TRIP12: variants seen among roughly 807,000 people sequenced by gnomAD.
The protein encoded by TRIP12 is E3 ubiquitin-protein ligase TRIP12.
A neutral mutation model predicts 244.2 loss-of-function variants in TRIP12; 25 were observed. The ratio of observed to expected loss-of-function variants is 0.10; its 90% CI spans 0.07 to 0.14. The LOEUF is 0.14. TRIP12 is among the 10% of genes least tolerant of loss of function. The probability of loss-of-function intolerance (pLI) is 1.00; values close to 1 mark genes in which losing one functional copy is unlikely to be tolerated. For missense variants in TRIP12, 1,677 were observed against 2,486.4 expected, an observed-to-expected ratio of 0.67 and a Z score of 6.92; for synonymous variants, 905 against 873.1, an observed-to-expected ratio of 1.04 and a Z score of -0.64.
Position 229,808,356 on chromosome 2 carries a change from C to T in TRIP12, c.2235G>A (p.Thr745=), listed in dbSNP as rs755942358. 7 of 1,611,948 alleles carry T rather than the reference C, an allele frequency of 4.3e-6. No homozygotes were observed. Among genetic ancestry groups the T allele is most frequent in the East Asian group, 2.2e-5 (1 of 44,858 alleles). ...AGGCACCACACAGGAGAAAGTGAAG[C>T]GTTTCTGCAATGTCTGTAAAAACCA... ...VQLMKQNIAE[T]LHFLLCGASN... The change falls in exon 16 of 42, where the codon ACG becomes ACA. Residue 745 remains threonine (T), a synonymous_variant. Coordinates refer to ENST00000675903, the MANE Select transcript of TRIP12 (RefSeq NM_001348323.3).
intron 2 of TRIP12, among the ~76,000 whole-genome samples, chr2:229,879,023 CGGGTGAATCGCTTG>C (rs1560074759): frequency 6.6e-6 from 1 of 151,984 alleles, no homozygotes; most frequent in African/African-American, 2.4e-5. Flanking sequence ...GAGGCCGAGG[CGGGTGAATCGCTTG>C]AGGTCAGGAG....
intron 6 of TRIP12, chr2:229,831,236 A>G: frequency 4.5e-6 from 3 of 673,038 alleles, no homozygotes; most frequent in Non-Finnish European, 5.4e-6. Context: ...AAGGCAAAAT[A>G]GACATTTGGG....
intron 1 of TRIP12, among the ~76,000 whole-genome samples, chr2:229,918,536 G>A (rs1280022330): frequency 2.0e-5 from 3 of 152,112 alleles, no homozygotes; most frequent in Non-Finnish European, 4.4e-5. Flanking sequence ...ACCAGAACAG[G>A]TACTTTGTCA....
At chr2:229,825,151 C>G (rs1451259356) in intron 8 of TRIP12, among the ~76,000 whole-genome samples, 1 of 152,104 alleles carries the variant, frequency 6.6e-6, no homozygotes, top group Non-Finnish European at 1.5e-5. Context: ...AACTTGAAAT[C>G]TCGTACTGTG....
intron 1 of TRIP12, among the ~76,000 whole-genome samples, chr2:229,912,414 T>C (rs1434013847): frequency 1.3e-5 from 2 of 152,210 alleles, no homozygotes; most frequent in Non-Finnish European, 2.9e-5. Flanking sequence ...TTAAATCTAA[T>C]TCCGTGATCT....
chr2:229,882,867 T>C (rs865817483), intron 1 of TRIP12, among the ~76,000 whole-genome samples: 1 of 152,174 alleles, frequency 6.6e-6, no homozygotes, highest in African/African-American at 2.4e-5. Flanking sequence ...CCAGCACCAT[T>C]ATCAGCCAAC....
chr2:229,866,740 T>C (rs2061562799), intron 2 of TRIP12, among the ~76,000 whole-genome samples: 1 of 152,120 alleles, frequency 6.6e-6, no homozygotes, highest in South Asian at 2.1e-4. Context: ...CAGAGTCTCA[T>C]AAAACAAAGT....
rs2042857593 is a variant in TRIP12, at chr2:229,796,510, G to C, written c.3816+81C>G. The C allele has an allele frequency of 3.1e-6, 4 of 1,289,608 alleles. No individual in the cohort carries two copies. In the African/African-American group the frequency reaches 6.1e-5, roughly 20 times the overall value. 79.9% of individuals were successfully genotyped at this position (1,289,608 alleles called of 1,614,324 possible). On this transcript the variant is annotated intron_variant, in intron 25 of 41. Transcript: ENST00000675903. ...TCAATGTCTTGACCAAGACCTGCTG[G>C]AAATTATTACTGAGATGAAAATATA...
At chr2:229,807,546 T>A in intron 17 of TRIP12, 162 bp downstream of exon 17, 1 of 866,868 alleles carries the variant, frequency 1.2e-6, no homozygotes, top group Non-Finnish European at 1.9e-6. Flanking sequence ...TTTTCTGACC[T>A]GAACAGAAAT....
intron 23 of TRIP12, among the ~76,000 whole-genome samples, chr2:229,798,623 GGTTTTGAAC>G (rs754658391): frequency 6.6e-5 from 10 of 152,148 alleles, no homozygotes; most frequent in Non-Finnish European, 1.5e-4. Flanking sequence ...AATACAATGT[GGTTTTGAAC>G]GTATAAGACT....
chr2:229,863,706 A>C (rs1026330802), intron 2 of TRIP12, among the ~76,000 whole-genome samples: 4 of 152,194 alleles, frequency 2.6e-5, no homozygotes, highest in Admixed American at 2.0e-4. Context: ...CTGCAAAGTA[A>C]ATCTCCATAA....
chr2:229,860,301 A>G (rs1331795181), intron 3 of TRIP12, 105 bp downstream of exon 3: 2 of 1,383,820 alleles, frequency 1.4e-6, no homozygotes, highest in East Asian at 2.4e-5. Flanking sequence ...AATAATGAAA[A>G]TATGTATCAA....
intron 1 of TRIP12, among the ~76,000 whole-genome samples, chr2:229,886,108 TTTA>T (rs2065953155): frequency 6.6e-6 from 1 of 152,030 alleles, no homozygotes; most frequent in South Asian, 2.1e-4. Flanking sequence ...ACTGGGACAG[TTTA>T]TTATTTTACT....
chr2:229,883,446 G>A (rs550540700), intron 1 of TRIP12, among the ~76,000 whole-genome samples: 4 of 152,264 alleles, frequency 2.6e-5, no homozygotes, highest in African/African-American at 9.6e-5. Context: ...ACTGCTAAAA[G>A]TTATGTTTTC....
chr2:229,852,574 C>T (rs2058921091), intron 4 of TRIP12, among the ~76,000 whole-genome samples: 1 of 152,198 alleles, frequency 6.6e-6, no homozygotes. Context: ...ACAGCTATAA[C>T]TTCCTAATGT....
chr2:229,803,959 T>G lies in TRIP12; in HGVS notation c.2879+40A>C, dbSNP rs376409776. 25 of 1,526,584 alleles carry G rather than the reference T, an allele frequency of 1.6e-5. No individual in the cohort carries two copies. The African/African-American group carries it at 3.4e-4, about 21-fold the overall frequency. The allele number at this position is 1,526,584 out of a possible 1,614,324, so 94.6% of individuals were successfully genotyped here. ...GGTTTCTGAAATTACTTGCAGAGAT[T>G]TGTATTTGTAAAATGTTTCTACTAT... is the stretch of plus-strand genomic sequence containing the variant. On this transcript the variant is annotated intron_variant, in intron 19 of 41. Transcript: ENST00000675903.
intron 2 of TRIP12, among the ~76,000 whole-genome samples, chr2:229,867,881 A>C (rs919972140): frequency 3.9e-5 from 6 of 152,246 alleles, no homozygotes; most frequent in African/African-American, 1.4e-4. Flanking sequence ...AAACATATAA[A>C]CTATTACTTT....
intron 4 of TRIP12, among the ~76,000 whole-genome samples, chr2:229,844,205 T>C (rs1329493252): frequency 6.6e-6 from 1 of 152,220 alleles, no homozygotes; most frequent in East Asian, 1.9e-4. Flanking sequence ...CATGATTTAC[T>C]TTCCTTGTCT....
chr2:229,818,448 T>G lies in TRIP12; in HGVS notation c.1515A>C (p.Ala505=). ...QASDESQQLQ[A]VIEMCQLLVM... is the part of the protein sequence containing the mutation. ...CCAGTAACTGACACATCTCAATAAC[T>G]GCCTGAAGCTGTTGACTTTCATCAC... The change falls in exon 9 of 42, where the codon GCA becomes GCC. Residue 505 remains alanine (A), a synonymous_variant. Transcript: ENST00000675903. The G allele has an allele frequency of 6.2e-7, 1 of 1,614,154 alleles. No homozygotes were observed.
Sources: allele counts gnomAD v4.1 joint callset (sites outside exome capture counted in the v4.1 genomes callset), GRCh38; gene constraint gnomAD v4.1.1; transcripts MANE v1.5; gene names NCBI Gene and HGNC (gene_info 2026-07-23, HGNC 2026-07-21).